PRR14L: variants seen among roughly 807,000 people sequenced by gnomAD.
The protein encoded by PRR14L is proline rich 14 like.
A neutral mutation model predicts 155.0 loss-of-function variants in PRR14L; 80 were observed. The ratio of observed to expected loss-of-function variants is 0.52; its 90% confidence interval spans 0.43 to 0.62. The LOEUF is 0.62. PRR14L is among the 20% of genes least tolerant of loss of function. The pLI is 0.00. For synonymous variants in PRR14L, 883 were observed against 916.0 expected, an observed-to-expected ratio of 0.96 and a Z score of 0.65; for missense variants, 2,469 against 2,548.0, an observed-to-expected ratio of 0.97 and a Z score of 0.67.
intron 4 of PRR14L, among the ~76,000 whole-genome samples, chr22:31,710,645 G>A (rs975531457): frequency 2.0e-5 from 3 of 151,832 alleles, no homozygotes; most frequent in East Asian, 1.9e-4. Flanking sequence ...TAGTAGAAAC[G>A]GGGTTTCACG....
intron 7 of PRR14L, among the ~76,000 whole-genome samples, chr22:31,688,962 T>C (rs2074497389): frequency 6.6e-6 from 1 of 151,712 alleles, no homozygotes. Flanking sequence ...ACAGTAACCC[T>C]GAGGTACAGC....
chr22:31,701,826 G>T lies in PRR14L; in HGVS notation c.6001-64C>A, dbSNP rs531447120. The T allele has an allele frequency of 6.4e-5, 85 of 1,330,556 alleles. No homozygotes were observed. The African/African-American group carries it at 1.1e-3, about 17-fold the overall frequency. The allele number at this position is 1,330,556 out of a possible 1,614,324, so 82.4% of individuals were successfully genotyped here. On this transcript the variant is annotated intron_variant, in intron 6 of 8. Transcript: ENST00000327423. ...AAGACATTTTATTTATATATTTTTT[G>T]AGACAAGGTCTCACTCTGTGGCCCA...
At chr22:31,702,510 C>T (rs150298594) in intron 6 of PRR14L, among the ~76,000 whole-genome samples, 63 of 152,006 alleles carry the variant, frequency 4.1e-4, no homozygotes, top group South Asian at 1.5e-3. Context: ...TGTGAGCCAC[C>T]GCATCTGGCC....
chr22:31,704,917 G>A (rs2074581827), intron 4 of PRR14L, among the ~76,000 whole-genome samples, 191 bp from the exon 5 acceptor site: 1 of 152,162 alleles, frequency 6.6e-6, no homozygotes, highest in Non-Finnish European at 1.5e-5. Context: ...GAGGCAGACT[G>A]ACAGGAAGAT....
Position 31,715,602 on chromosome 22 carries a change from A to G in PRR14L, c.2237T>C (p.Met746Thr), listed in dbSNP as rs1252387075. ...KPVSLERKKE[M>T]ADSGTKALHS... ...TAGAGCTTTTGTTCCTGAATCAGCC[A>G]TTTCCTTTTTTCTCTCTAGGCTTAC... Residue 746 changes from methionine to threonine, a missense_variant, in exon 4 of 9, where the codon ATG becomes ACG. By Grantham distance (81) the Met-to-Thr change is moderately conservative (BLOSUM62 -1). Coordinates refer to ENST00000327423, the MANE Select transcript of PRR14L (RefSeq NM_173566.3). 4 of 1,551,994 alleles carry G rather than the reference A, an allele frequency of 2.6e-6. No homozygotes were observed. The highest frequency in any genetic ancestry group is 3.9e-5 in the Admixed American group (2 of 50,988).
At chr22:31,710,003 T>C (rs1293474890) in intron 4 of PRR14L, among the ~76,000 whole-genome samples, 2 of 151,430 alleles carry the variant, frequency 1.3e-5, no homozygotes, top group Non-Finnish European at 2.9e-5. Flanking sequence ...TGTAGTGGTG[T>C]GATCCTGGCT....
Position 31,692,658 on chromosome 22 carries a change from G to C in PRR14L, c.6108-4431C>G, listed in dbSNP as rs537884317. ...GTTTTTTGTGGGAGAGAGTTGGGCA[G>C]GGGGAGACAGTCTCACTCTCTTGCC... On this transcript the variant is annotated intron_variant, in intron 7 of 8. Coordinates refer to ENST00000327423, the MANE Select transcript of PRR14L (RefSeq NM_173566.3). 1.1e-4 allele frequency among the ~76,000 whole-genome samples: 16 copies of C among 152,254 alleles called. No individual in the cohort carries two copies. The East Asian group carries it at 2.5e-3, about 24-fold the overall frequency.
intron 7 of PRR14L, among the ~76,000 whole-genome samples, chr22:31,688,893 TATATAC>T (rs2074496314): frequency 7.2e-6 from 1 of 138,376 alleles, no homozygotes; most frequent in African/African-American, 2.9e-5. Flanking sequence ...TCTTAAAAAA[TATATAC>T]ATACACACAC....
intron 2 of PRR14L, 84 bp from the exon 3 acceptor site, chr22:31,725,694 C>CA: frequency 1.1e-6 from 1 of 871,776 alleles, no homozygotes; most frequent in Non-Finnish European, 1.8e-6. Context: ...TTTTTTGAGA[C>CA]AGAGTCTTGC....
chr22:31,733,147 C>A (rs1038397184), intron 2 of PRR14L, among the ~76,000 whole-genome samples: 1 of 151,854 alleles, frequency 6.6e-6, no homozygotes, highest in Non-Finnish European at 1.5e-5. Context: ...GCCACACGCC[C>A]GGCTAATTTT....
Position 31,712,903 on chromosome 22 carries a change from G to T in PRR14L, c.4936C>A (p.Pro1646Thr). 1 of 1,551,814 alleles carries T rather than the reference G, an allele frequency of 6.4e-7. No individual in the cohort carries two copies. The highest frequency in any genetic ancestry group is 8.7e-7 in the Non-Finnish European group (1 of 1,147,028). Residue 1646 changes from proline to threonine, a missense_variant, in exon 4 of 9, where the codon CCA becomes ACA. Coordinates refer to ENST00000327423, the MANE Select transcript of PRR14L (RefSeq NM_173566.3). ...AGGCGCTTGTAGCTTTTAGCCATTG[G>T]AAGAAGTTCAGAGGAACACCGTCGG... ...RYRRCSSELLPMAKSYKRLRY... is the reference protein window; with the variant it reads ...RYRRCSSELLTMAKSYKRLRY...
chr22:31,683,356 A>G lies in PRR14L; in HGVS notation c.*2171T>C, dbSNP rs1569496702. 6.6e-6 allele frequency: 1 copy of G among 152,218 alleles called. No individual in the cohort carries two copies. The highest frequency in any genetic ancestry group is 1.5e-5 in the Non-Finnish European group (1 of 68,054). The allele number at this position is 152,218 out of a possible 1,614,324, so 9.4% of individuals were successfully genotyped here. ...CTGGCAAACAGGGCTCTGTTGACTC[A>G]CTGCTAGTCTGCAACCTGTCCAGTA... On this transcript the variant is annotated 3_prime_UTR_variant, in exon 9 of 9. Coordinates refer to ENST00000327423, the MANE Select transcript of PRR14L (RefSeq NM_173566.3).
intron 4 of PRR14L, among the ~76,000 whole-genome samples, chr22:31,705,128 G>A (rs896564445): frequency 6.6e-6 from 1 of 152,112 alleles, no homozygotes; most frequent in Non-Finnish European, 1.5e-5. Flanking sequence ...AGGGGTGGTG[G>A]AGTGCACCTG....
Position 31,716,747 on chromosome 22 carries a change from A to G in PRR14L, c.1092T>C (p.Phe364=), listed in dbSNP as rs2074662612. The G allele has an allele frequency of 1.9e-6, 3 of 1,551,880 alleles. No homozygotes were observed. The African/African-American group carries it at 4.1e-5, about 21-fold the overall frequency. Residue 364 remains phenylalanine (F), a synonymous_variant, in exon 4 of 9, where the codon TTT becomes TTC. Coordinates refer to ENST00000327423, the MANE Select transcript of PRR14L (RefSeq NM_173566.3). ...SRTISLENCG[F]EGGGLLKRSA... ...ATCTCTTTAGCAAACCACCACCTTC[A>G]AAACCACAGTTTTCTAAGGATATTG...
chr22:31,724,686 C>A (rs186775866), intron 3 of PRR14L, among the ~76,000 whole-genome samples: 128 of 152,328 alleles, frequency 8.4e-4, no homozygotes, highest in Non-Finnish European at 8.2e-4. Context: ...ACGTGAGCCA[C>A]TGTGCCCAGC....
intron 2 of PRR14L, among the ~76,000 whole-genome samples, chr22:31,732,092 T>C (rs1038217665): frequency 6.6e-6 from 1 of 152,198 alleles, no homozygotes; most frequent in Admixed American, 6.6e-5. Context: ...ATCAAATTCA[T>C]TAGTTTCTGG....
At position 31,701,589 on chromosome 22, in the gene PRR14L, G is replaced by A. The variant is rs143936464; in HGVS notation, c.6107+67C>T. On this transcript the variant is annotated intron_variant, in intron 7 of 8. Coordinates refer to ENST00000327423, the MANE Select transcript of PRR14L (RefSeq NM_173566.3). ...CTCAGAGTGTAGGACCATTTAAAGG[G>A]CAATTATATTATGACAAACAATTTT... is the stretch of plus-strand genomic sequence containing the variant. 8.0e-4 allele frequency: 737 copies of A among 924,170 alleles called. 1 individual carries two copies. Among genetic ancestry groups the A allele is most frequent in the Non-Finnish European group, 1.1e-3 (664 of 587,032 alleles). 57.2% of individuals were successfully genotyped at this position (924,170 alleles called of 1,614,324 possible). A position where few individuals can be genotyped will look rare whatever the true frequency, so the allele number is the denominator to read the frequency against.
chr22:31,749,219 G>T (rs2074857930), intron 1 of PRR14L, among the ~76,000 whole-genome samples: 1 of 152,102 alleles, frequency 6.6e-6, no homozygotes, highest in African/African-American at 2.4e-5. Context: ...AGGTCACAAA[G>T]ACGTTAAGTG....
chr22:31,712,675 G>A lies in PRR14L; in HGVS notation c.5164C>T (p.His1722Tyr). Residue 1722 changes from histidine (H) to tyrosine (Y), a missense_variant, in exon 4 of 9, where the codon CAT (histidine) becomes TAT (tyrosine). Transcript: ENST00000327423. ...CAATCTGAGCTGGATGATTTCACAT[G>A]AAAGGATACTGGGAAGATTTCAGAA... Reference protein sequence around the residue: ...FGSEIFPVSFHVKSSSSDCTT... With the variant: ...FGSEIFPVSFYVKSSSSDCTT... 1.9e-6 allele frequency: 3 copies of A among 1,551,752 alleles called. No individual in the cohort carries two copies. Among genetic ancestry groups the A allele is most frequent in the Non-Finnish European group, 2.6e-6 (3 of 1,146,998 alleles).
Sources: gnomAD v4.1 joint callset for allele counts (sites outside exome capture counted in the v4.1 genomes callset) on GRCh38, gnomAD v4.1.1 for gene constraint, MANE v1.5 for transcripts, NCBI Gene and HGNC (gene_info 2026-07-23, HGNC 2026-07-21) for gene names.